The following DEK variants were observed in gnomAD, a reference collection of about 807,000 sequenced individuals.
The protein encoded by DEK is protein DEK.
Under a neutral mutation model 46.8 loss-of-function variants are expected in DEK, and 28 were observed. The observed-to-expected ratio is 0.60, with a 90% CI of 0.44 to 0.82. The LOEUF (loss-of-function observed/expected upper bound fraction) is 0.82. Ranked by LOEUF, DEK falls within the 40% of genes least tolerant of loss-of-function variation. DEK has a pLI of 0.00. For missense variants in DEK, 416 were observed against 430.6 expected (o/e 0.97, Z 0.30); for synonymous variants, 160 against 144.5 (o/e 1.11, Z -0.77).
intron 6 of DEK, among the ~76,000 whole-genome samples, chr6:18,255,208 G>C (rs1249181247): frequency 6.6e-6 from 1 of 152,202 alleles, no homozygotes; most frequent in Non-Finnish European, 1.5e-5. Context: ...AAACTGTAAG[G>C]CCATTTTACT....
intron 1 of DEK, 110 bp from the exon 2 acceptor site, chr6:18,264,106 T>G (rs1233411326): frequency 6.8e-6 from 7 of 1,023,036 alleles, no homozygotes; most frequent in South Asian, 1.8e-5. Flanking sequence ...GCCCTGAAAG[T>G]TGCCTCCTCC....
At chr6:18,263,746 C>T in intron 2 of DEK, 97 bp downstream of exon 2, 2 of 1,606,796 alleles carry the variant, frequency 1.2e-6, no homozygotes, top group Non-Finnish European at 1.7e-6. Flanking sequence ...CTTCACGCCT[C>T]TAAACACCAA....
intron 2 of DEK, among the ~76,000 whole-genome samples, chr6:18,261,758 G>A (rs1209512909): frequency 1.3e-5 from 2 of 152,168 alleles, no homozygotes; most frequent in South Asian, 2.1e-4. Context: ...AGGCTCATAG[G>A]TGGAAGAAAC....
In DEK at chr6:18,254,275, G is replaced by A. The variant is rs1023902423; in HGVS notation, c.573+1456C>T. ...GAACCTGGGAGACAGTGGTTGCAGT[G>A]AGCAGAGATTGTGCCACTGCACTCT... is the stretch of plus-strand genomic sequence containing the variant. On this transcript the variant is annotated intron_variant, in intron 6 of 10. Coordinates refer to ENST00000652689, the MANE Select transcript of DEK (RefSeq NM_003472.4). Among the ~76,000 whole-genome samples the A allele has an allele frequency of 1.6e-4, 24 of 152,110 alleles. 1 individual carries two copies. The highest frequency in any genetic ancestry group is 1.6e-3 in the Admixed American group (24 of 15,282).
chr6:18,236,536 T>C lies in DEK; in HGVS notation c.963A>G (p.Thr321=). The change falls in exon 9 of 11, where the codon ACA becomes ACG. Residue 321 remains threonine (T), a synonymous_variant. Coordinates refer to ENST00000652689, the MANE Select transcript of DEK (RefSeq NM_003472.4). The stretch of plus-strand genomic sequence containing the variant: ...TTATTGTTTCCTTTAACTCTTCATC[T>C]GTAGGGGGTTTCTTCAACTTTTTAA... ...PLIKKLKKPP[T]DEELKETIKK... is the part of the protein sequence containing the mutation. 1 of 1,592,370 alleles carries C rather than the reference T, an allele frequency of 6.3e-7. No homozygotes were observed. The highest frequency in any genetic ancestry group is 8.5e-7 in the Non-Finnish European group (1 of 1,173,740).
intron 9 of DEK, among the ~76,000 whole-genome samples, chr6:18,235,624 T>C (rs570253994): frequency 1.1e-4 from 17 of 152,326 alleles, no homozygotes; most frequent in African/African-American, 3.8e-4. Context: ...AGCTAAGTAA[T>C]GGCTTCTCTG....
rs1382602688 is a variant in DEK at position 18,264,447 on chromosome 6, G to A, written c.-72C>T. ...CACGAGGAGGTTCTGGGAGGCGGCG[G>A]CGGCCGACGCCGAGGAGAAGGCGCG... On this transcript the variant is annotated 5_prime_UTR_variant, in exon 1 of 11. Coordinates refer to ENST00000652689, the MANE Select transcript of DEK (RefSeq NM_003472.4). 3 of 277,978 alleles carry A rather than the reference G, an allele frequency of 1.1e-5. No homozygotes were observed. The highest frequency in any genetic ancestry group is 4.4e-5 in the Admixed American group (1 of 22,506). 17.2% of individuals were successfully genotyped at this position (277,978 alleles called of 1,614,324 possible).
intron 1 of DEK, 184 bp from the exon 2 acceptor site, chr6:18,264,180 C>T: frequency 2.2e-6 from 1 of 458,880 alleles, no homozygotes; most frequent in African/African-American, 2.0e-5. Context: ...CCGCCGCCGT[C>T]CAGGGATTCC....
chr6:18,255,984 ATCTTTTT>A (rs1029921104), intron 5 of DEK, 133 bp from the exon 6 acceptor site: 51 of 1,056,210 alleles, frequency 4.8e-5, no homozygotes, highest in Non-Finnish European at 5.8e-5. Context: ...GCTTCTATGA[ATCTTTTT>A]TCTTTTTTTT....
chr6:18,243,758 C>G (rs780119393), intron 7 of DEK, among the ~76,000 whole-genome samples: 2 of 152,212 alleles, frequency 1.3e-5, no homozygotes, highest in South Asian at 4.1e-4. Context: ...TTAGCATACT[C>G]CCAATTCACT....
At chr6:18,254,128 C>T (rs1164760703) in intron 6 of DEK, among the ~76,000 whole-genome samples, 3 of 152,080 alleles carry the variant, frequency 2.0e-5, no homozygotes, top group African/African-American at 4.8e-5. Context: ...GTCAGGAGTT[C>T]GAGACCAGCC....
chr6:18,250,700 T>G (rs568986359), intron 6 of DEK, among the ~76,000 whole-genome samples: 50 of 148,304 alleles, frequency 3.4e-4, no homozygotes, highest in African/African-American at 1.2e-3. Flanking sequence ...TTCACCATGT[T>G]GGCCAGGCTG....
intron 8 of DEK, 38 bp from the exon 9 acceptor site, chr6:18,236,638 G>C (rs780629583): frequency 6.2e-6 from 8 of 1,299,230 alleles, no homozygotes; most frequent in Non-Finnish European, 8.1e-6. Flanking sequence ...TTCTTACATA[G>C]TAAATTAACA....
At chr6:18,237,258 T>C (rs1385598241) in intron 8 of DEK, 123 bp downstream of exon 8, 3 of 1,183,384 alleles carry the variant, frequency 2.5e-6, no homozygotes, top group African/African-American at 3.2e-5. Context: ...TCAACCTGTA[T>C]TACTTCTCCC....
At chr6:18,242,897 G>T (rs1372289638) in intron 7 of DEK, among the ~76,000 whole-genome samples, 3 of 152,168 alleles carry the variant, frequency 2.0e-5, no homozygotes, top group Non-Finnish European at 4.4e-5. Flanking sequence ...AAAGAACTTT[G>T]TGCTGGCTCT....
At chr6:18,239,882 T>C (rs1790830455) in intron 7 of DEK, among the ~76,000 whole-genome samples, 1 of 152,198 alleles carries the variant, frequency 6.6e-6, no homozygotes, top group Non-Finnish European at 1.5e-5. Flanking sequence ...TTTAGCACAC[T>C]TAATACACAG....
At position 18,224,794 on chromosome 6, in the gene DEK, G is replaced by C. The variant is rs1280566397; in HGVS notation, c.*925C>G. 1 of 212,482 alleles carries C rather than the reference G, an allele frequency of 4.7e-6. No homozygotes were observed. Among genetic ancestry groups the C allele is most frequent in the Non-Finnish European group, 9.5e-6 (1 of 104,974 alleles). 13.2% of individuals were successfully genotyped at this position (212,482 alleles called of 1,614,324 possible). ...ATAAAAATCAGTTCATTTACTGTAA[G>C]CCAAATGTGCTTGTACTTAATCCCA... On this transcript the variant is annotated 3_prime_UTR_variant, in exon 11 of 11. Coordinates refer to ENST00000652689, the MANE Select transcript of DEK (RefSeq NM_003472.4).
chr6:18,239,665 G>C (rs1484141700), intron 7 of DEK, among the ~76,000 whole-genome samples: 2 of 152,128 alleles, frequency 1.3e-5, no homozygotes, highest in African/African-American at 2.4e-5. Flanking sequence ...AATTTCCCAT[G>C]GACTTTTGCG....
chr6:18,224,906 A>G lies in DEK; in HGVS notation c.*813T>C. On this transcript the variant is annotated 3_prime_UTR_variant, in exon 11 of 11. Transcript: ENST00000652689. ...AAAACGTACCTACAGACACTTTTAC[A>G]GAGTTAATACTAAAATTACAAATTG... The G allele has an allele frequency of 4.7e-6, 1 of 213,520 alleles. No individual in the cohort carries two copies. The highest frequency in any genetic ancestry group is 9.5e-6 in the Non-Finnish European group (1 of 105,228). 13.2% of individuals were successfully genotyped at this position (213,520 alleles called of 1,614,324 possible). A position where few individuals can be genotyped will look rare whatever the true frequency, so the allele number is the denominator to read the frequency against.
Sources: gnomAD v4.1 joint callset for allele counts (sites outside exome capture counted in the v4.1 genomes callset) on GRCh38, gnomAD v4.1.1 for gene constraint, MANE v1.5 for transcripts, NCBI Gene and HGNC (gene_info 2026-07-23, HGNC 2026-07-21) for gene names.